The following SLC17A6 variants were observed in gnomAD, a reference collection of about 807,000 sequenced individuals.
The protein encoded by SLC17A6 is solute carrier family 17 member 6.
Under a neutral mutation model 67.1 loss-of-function variants are expected in SLC17A6, and 35 were observed. The ratio of observed to expected loss-of-function variants is 0.52; its 90% CI spans 0.40 to 0.69. The LOEUF (loss-of-function observed/expected upper bound fraction) is 0.69. Ranked by LOEUF, SLC17A6 falls within the 30% of genes least tolerant of loss-of-function variation. The pLI is 0.00. For missense variants in SLC17A6, 588 were observed against 723.9 expected, an observed-to-expected ratio of 0.81 and a Z score of 2.15; for synonymous variants, 285 against 252.3, an observed-to-expected ratio of 1.13 and a Z score of -1.23.
intron 3 of SLC17A6, among the ~76,000 whole-genome samples, chr11:22,355,435 C>T (rs1163392453): frequency 6.6e-6 from 1 of 152,154 alleles, no homozygotes; most frequent in Non-Finnish European, 1.5e-5. Context: ...CTCTGCAAGC[C>T]ATCATCCTGG....
chr11:22,377,374 G>T, intron 11 of SLC17A6, 31 bp from the exon 12 acceptor site: 1 of 1,560,114 alleles, frequency 6.4e-7, no homozygotes, highest in African/African-American at 1.4e-5. Flanking sequence ...TGGGGAGTCA[G>T]TTCTCACAGT....
intron 3 of SLC17A6, among the ~76,000 whole-genome samples, chr11:22,356,749 T>C (rs1160065132): frequency 6.6e-6 from 1 of 152,132 alleles, no homozygotes. Context: ...GGCATAAGAA[T>C]TGCTTGAACC....
rs776768852 is a variant in SLC17A6 at position 22,338,491 on chromosome 11, C to A, written c.-43C>A. The A allele has an allele frequency of 1.0e-5, 14 of 1,372,680 alleles. No individual in the cohort carries two copies. Among genetic ancestry groups the A allele is most frequent in the African/African-American group, 2.9e-5 (2 of 69,704 alleles). The allele number at this position is 1,372,680 out of a possible 1,614,324, so 85.0% of individuals were successfully genotyped here. The stretch of plus-strand genomic sequence containing the variant: ...CGCAATCCTCGCCTTTCCTAGCAAT[C>A]ACTATTTAAATCTGGCAAGAACTGA... On this transcript the variant is annotated 5_prime_UTR_variant, in exon 1 of 12. Coordinates refer to ENST00000263160, the MANE Select transcript of SLC17A6 (RefSeq NM_020346.3).
chr11:22,339,081 T>C (rs936987742), intron 1 of SLC17A6, among the ~76,000 whole-genome samples: 1 of 112,436 alleles, frequency 8.9e-6, no homozygotes, highest in Non-Finnish European at 1.8e-5. Flanking sequence ...ATATATGTTA[T>C]ATATATATGT....
chr11:22,341,811 C>T, intron 2 of SLC17A6, 31 bp downstream of exon 2: 12 of 1,609,336 alleles, frequency 7.5e-6, no homozygotes, highest in Non-Finnish European at 1.0e-5. Flanking sequence ...CTGGCTCCTG[C>T]CCTTCGGCCA....
At position 22,343,373 on chromosome 11, in the gene SLC17A6, G is replaced by T. The variant is rs775545447; in HGVS notation, c.458+8G>T. ...TCGGCTGGCAGCCAACAGGTAATGC[G>T]CCAGGCGGGACTGGGGCTCGGGGCG... On this transcript the variant is annotated splice_region_variant and intron_variant, in intron 3 of 11. Coordinates refer to ENST00000263160, the MANE Select transcript of SLC17A6 (RefSeq NM_020346.3). The T allele has an allele frequency of 7.5e-6, 12 of 1,600,880 alleles. No homozygotes were observed. Among genetic ancestry groups the T allele is most frequent in the Admixed American group, 1.7e-5 (1 of 57,458 alleles).
At position 22,342,978 on chromosome 11, in the gene SLC17A6, T is replaced by C. The variant is rs114556348; in HGVS notation, c.340-269T>C. 6.5e-4 allele frequency: 356 copies of C among 550,552 alleles called. 2 individuals carry two copies. Among genetic ancestry groups the C allele is most frequent in the African/African-American group, 5.8e-3 (312 of 53,506 alleles). 34.1% of individuals were successfully genotyped at this position (550,552 alleles called of 1,614,324 possible). A position where few individuals can be genotyped will look rare whatever the true frequency, so the allele number is the denominator to read the frequency against. The stretch of plus-strand genomic sequence containing the variant: ...GGGGGCCCTCTAGATTCCTCCTTCA[T>C]TCAGATGATTCGATCTGCCTGACAG... On this transcript the variant is annotated intron_variant, in intron 2 of 11. Coordinates refer to ENST00000263160, the MANE Select transcript of SLC17A6 (RefSeq NM_020346.3).
chr11:22,345,163 C>T (rs2078352), intron 3 of SLC17A6, among the ~76,000 whole-genome samples: 32,110 of 151,258 alleles, frequency 0.21, 3,591 homozygotes, highest in Middle Eastern at 0.24. Context: ...CCAGCTTTTC[C>T]TCTTTGTAAC....
At chr11:22,364,808 A>G (rs902602691) in intron 6 of SLC17A6, among the ~76,000 whole-genome samples, 4 of 152,184 alleles carry the variant, frequency 2.6e-5, no homozygotes, top group African/African-American at 9.6e-5. Context: ...ATATCGCACA[A>G]AAAGGACATG....
intron 3 of SLC17A6, among the ~76,000 whole-genome samples, chr11:22,348,398 G>T (rs2034326): frequency 0.6 from 91,154 of 151,880 alleles, 27,686 homozygotes; most frequent in Middle Eastern, 0.71. Context: ...TGAATTTTTT[G>T]TGTGTGTGTG....
At chr11:22,353,972 A>T (rs1204704409) in intron 3 of SLC17A6, among the ~76,000 whole-genome samples, 1 of 152,200 alleles carries the variant, frequency 6.6e-6, no homozygotes, top group African/African-American at 2.4e-5. Context: ...CCCCAAACAC[A>T]TCTACTGACT....
intron 1 of SLC17A6, among the ~76,000 whole-genome samples, chr11:22,340,436 T>C (rs772524001): frequency 3.9e-5 from 6 of 152,226 alleles, no homozygotes; most frequent in Admixed American, 2.0e-4. Context: ...GCATTCCCCT[T>C]TTCATTTGTC....
chr11:22,345,850 T>G (rs1855869906), intron 3 of SLC17A6, among the ~76,000 whole-genome samples: 1 of 152,156 alleles, frequency 6.6e-6, no homozygotes, highest in Non-Finnish European at 1.5e-5. Context: ...TGATAAAAAT[T>G]TAATCAGCCT....
rs1305337633 is a variant in SLC17A6 at position 22,341,491 on chromosome 11, C to A, written c.87-37C>A. ...GGGTCAGCATCGGGGGTACCTAAGC[C>A]GCCAAGTCCTTGACTCGCCCCTGCT... On this transcript the variant is annotated intron_variant, in intron 1 of 11. Transcript: ENST00000263160. The A allele has an allele frequency of 5.0e-6, 8 of 1,599,748 alleles. No individual in the cohort carries two copies. In the African/African-American group the frequency reaches 9.4e-5, roughly 19 times the overall value.
intron 3 of SLC17A6, among the ~76,000 whole-genome samples, chr11:22,358,285 T>A (rs984500638): frequency 1.3e-5 from 2 of 152,210 alleles, no homozygotes; most frequent in South Asian, 2.1e-4. Flanking sequence ...AAAGGAATAC[T>A]TTTCTTACTT....
At position 22,359,399 on chromosome 11, in the gene SLC17A6, C is replaced by G. The variant is rs759307768; in HGVS notation, c.459-14C>G. The G allele has an allele frequency of 3.9e-6, 6 of 1,524,210 alleles. No individual in the cohort carries two copies. In the South Asian group the frequency reaches 7.5e-5, roughly 19 times the overall value. 94.4% of individuals were successfully genotyped at this position (1,524,210 alleles called of 1,614,324 possible). A position where few individuals can be genotyped will look rare whatever the true frequency, so the allele number is the denominator to read the frequency against. On this transcript the variant is annotated splice_polypyrimidine_tract_variant and intron_variant, in intron 3 of 11. Transcript: ENST00000263160. ...TGAATCATTTAAACAGTGTTCTCAT[C>G]TTTTCTATTTCAGGGTTTTCGGAGC...
chr11:22,369,054 G>T (rs1283054128), intron 7 of SLC17A6, among the ~76,000 whole-genome samples: 1 of 146,448 alleles, frequency 6.8e-6, no homozygotes, highest in East Asian at 2.0e-4. Context: ...CACGTGAAAG[G>T]TGTTTGCTTC....
chr11:22,358,314 G>GTGTT (rs200535807), intron 3 of SLC17A6, among the ~76,000 whole-genome samples: 2,532 of 152,092 alleles, frequency 0.017, 65 homozygotes, highest in East Asian at 0.11. Flanking sequence ...CATTATAGAA[G>GTGTT]TGTTTGTTTG....
intron 8 of SLC17A6, among the ~76,000 whole-genome samples, chr11:22,373,355 G>C (rs779601016): frequency 1.3e-5 from 2 of 151,922 alleles, no homozygotes; most frequent in Non-Finnish European, 1.5e-5. Context: ...TTTTGTTGTT[G>C]TTCAAAGGTT....
Sources: allele counts gnomAD v4.1 joint callset (sites outside exome capture counted in the v4.1 genomes callset), GRCh38; gene constraint gnomAD v4.1.1; transcripts MANE v1.5; gene names NCBI Gene and HGNC (gene_info 2026-07-23, HGNC 2026-07-21).